SPIDR: variants seen among roughly 807,000 people sequenced by gnomAD.
The protein encoded by SPIDR is DNA repair-scaffolding protein.
Under a neutral mutation model 104.6 loss-of-function variants are expected in SPIDR, and 93 were observed. That is an observed-to-expected ratio of 0.89 (90% CI 0.75 to 1.06). SPIDR has a LOEUF of 1.06. SPIDR is among the 50% of genes least tolerant of loss of function. The pLI is 0.00. For synonymous variants in SPIDR, 431 were observed against 416.9 expected (o/e 1.03, Z -0.41); for missense variants, 1,154 against 1,111.2 (o/e 1.04, Z -0.55).
At chr8:47,452,718 A>G (rs1228329813) in intron 8 of SPIDR, among the ~76,000 whole-genome samples, 2 of 152,192 alleles carry the variant, frequency 1.3e-5, no homozygotes, top group African/African-American at 4.8e-5. Flanking sequence ...ATCTCAAAAT[A>G]ATAAGAGCTA....
intron 5 of SPIDR, among the ~76,000 whole-genome samples, chr8:47,312,335 A>G (rs2044349183): frequency 6.6e-6 from 1 of 152,196 alleles, no homozygotes; most frequent in Non-Finnish European, 1.5e-5. Context: ...CACTCCCACC[A>G]ACAGTGTAAA....
chr8:47,404,534 G>T (rs1300087586), intron 6 of SPIDR, among the ~76,000 whole-genome samples: 1 of 152,124 alleles, frequency 6.6e-6, no homozygotes, highest in Non-Finnish European at 1.5e-5. Flanking sequence ...TCAAAAAGTG[G>T]GCAAGGGATA....
intron 5 of SPIDR, among the ~76,000 whole-genome samples, chr8:47,321,745 A>G (rs972618460): frequency 4.3e-4 from 65 of 152,196 alleles, no homozygotes; most frequent in Non-Finnish European, 1.5e-4. Flanking sequence ...ACCGAAACAG[A>G]GATATAGAAC....
intron 8 of SPIDR, among the ~76,000 whole-genome samples, chr8:47,496,975 T>C (rs888415584): frequency 6.6e-6 from 1 of 152,082 alleles, no homozygotes; most frequent in African/African-American, 2.4e-5. Flanking sequence ...CATTTTCTCA[T>C]TTGTTGGCTT....
At chr8:47,704,121 G>A (rs2080732989) in intron 14 of SPIDR, among the ~76,000 whole-genome samples, 1 of 152,226 alleles carries the variant, frequency 6.6e-6, no homozygotes, top group Admixed American at 6.5e-5. Context: ...GTGTGTGTGT[G>A]TTTCTGCAGC....
rs184189720 is a variant in SPIDR, at chr8:47,390,428, A to G, written c.526-5948A>G. Among the ~76,000 whole-genome samples, 253 of 152,198 alleles carry G rather than the reference A, an allele frequency of 1.7e-3. 2 individuals carry two copies. Among genetic ancestry groups the G allele is most frequent in the Non-Finnish European group, 8.1e-4 (55 of 68,024 alleles). ...GTCAGAATACTTTATAGCAATGAAA[A>G]TTAATGATCTACAGCTGCTGTGTCC... On this transcript the variant is annotated intron_variant, in intron 5 of 19. Coordinates refer to ENST00000297423, the MANE Select transcript of SPIDR (RefSeq NM_001080394.4).
Position 47,385,843 on chromosome 8 carries a change from T to G in SPIDR, c.526-10533T>G, listed in dbSNP as rs1315101382. On this transcript the variant is annotated intron_variant, in intron 5 of 19. Coordinates refer to ENST00000297423, the MANE Select transcript of SPIDR (RefSeq NM_001080394.4). ...TGTTGTTTTACCAGTTTGCTCTCTT[T>G]TAAATGTTTCTACTTGGGGAAATTT... is the stretch of plus-strand genomic sequence containing the variant. Among the ~76,000 whole-genome samples the G allele has an allele frequency of 3.3e-5, 5 of 152,324 alleles. No homozygotes were observed. The East Asian group carries it at 9.6e-4, about 29-fold the overall frequency.
intron 5 of SPIDR, among the ~76,000 whole-genome samples, chr8:47,297,318 C>T (rs1318014640): frequency 2.6e-5 from 4 of 152,072 alleles, no homozygotes; most frequent in Non-Finnish European, 5.9e-5. Context: ...TACCTTTTTC[C>T]AGGGAGCATG....
At chr8:47,273,102 C>A (rs2035666908) in intron 1 of SPIDR, among the ~76,000 whole-genome samples, 1 of 152,166 alleles carries the variant, frequency 6.6e-6, no homozygotes. Flanking sequence ...ATAATTTAAT[C>A]CAATTTTGAT....
intron 10 of SPIDR, among the ~76,000 whole-genome samples, chr8:47,634,075 A>G (rs1027207086): frequency 1.3e-5 from 2 of 151,630 alleles, no homozygotes; most frequent in South Asian, 2.1e-4. Context: ...AGCCTGCGTG[A>G]CAGAGTAAGA....
At chr8:47,597,910 T>C (rs532901321) in intron 9 of SPIDR, among the ~76,000 whole-genome samples, 2 of 152,288 alleles carry the variant, frequency 1.3e-5, no homozygotes, top group South Asian at 2.1e-4. Flanking sequence ...AAGTTGTCGC[T>C]GAACAGAATG....
chr8:47,649,224 A>G (rs866087191), intron 10 of SPIDR, among the ~76,000 whole-genome samples: 7 of 152,056 alleles, frequency 4.6e-5, no homozygotes, highest in African/African-American at 1.7e-4. Context: ...ACTATACTCT[A>G]GCCTAGGCAG....
chr8:47,298,350 A>C (rs1353115255), intron 5 of SPIDR, among the ~76,000 whole-genome samples: 3 of 152,148 alleles, frequency 2.0e-5, no homozygotes, highest in African/African-American at 7.2e-5. Flanking sequence ...GATTCTGGAT[A>C]TTAGCCCTTT....
At chr8:47,425,159 C>A (rs1218523056) in intron 7 of SPIDR, among the ~76,000 whole-genome samples, 11 of 151,986 alleles carry the variant, frequency 7.2e-5, no homozygotes, top group African/African-American at 2.7e-4. Flanking sequence ...TGTGTTTATT[C>A]TTGTTGTGTG....
chr8:47,638,988 A>G (rs2068405992), intron 10 of SPIDR, among the ~76,000 whole-genome samples: 1 of 152,222 alleles, frequency 6.6e-6, no homozygotes, highest in Non-Finnish European at 1.5e-5. Flanking sequence ...GTGATCTGTG[A>G]TGATGGTATT....
intron 5 of SPIDR, chr8:47,361,000 T>G: frequency 1.0e-6 from 1 of 980,020 alleles, no homozygotes; most frequent in Non-Finnish European, 1.2e-6. Context: ...CATGATTTTT[T>G]AATATTAAAA....
At chr8:47,325,494 G>A (rs2047508142) in intron 5 of SPIDR, among the ~76,000 whole-genome samples, 1 of 152,166 alleles carries the variant, frequency 6.6e-6, no homozygotes, top group African/African-American at 2.4e-5. Context: ...CAGTTGGTCA[G>A]TCTATTTTCC....
intron 7 of SPIDR, among the ~76,000 whole-genome samples, chr8:47,412,492 A>C (rs1210374296): frequency 3.3e-5 from 5 of 152,188 alleles, no homozygotes; most frequent in African/African-American, 1.2e-4. Context: ...CTTTCTTTCC[A>C]ATATTTTACC....
chr8:47,500,332 A>G (rs1393212256), intron 8 of SPIDR, among the ~76,000 whole-genome samples: 1 of 152,164 alleles, frequency 6.6e-6, no homozygotes, highest in Non-Finnish European at 1.5e-5. Flanking sequence ...AATTATCACC[A>G]TTCTAACTGG....
Sources: gnomAD v4.1 joint callset for allele counts (sites outside exome capture counted in the v4.1 genomes callset) on GRCh38, gnomAD v4.1.1 for gene constraint, MANE v1.5 for transcripts, NCBI Gene and HGNC (gene_info 2026-07-23, HGNC 2026-07-21) for gene names.